EPAS1: variants seen among roughly 807,000 people sequenced by gnomAD.
EPAS1 encodes the protein endothelial PAS domain-containing protein 1.
In EPAS1, 23 loss-of-function variants were observed where a neutral mutation model predicts 87.9. That is an observed-to-expected ratio of 0.26 (90% CI 0.19 to 0.37). The LOEUF is 0.37. EPAS1 is among the 10% of genes least tolerant of loss of function. The pLI is 1.00. For synonymous variants in EPAS1, 508 were observed against 444.3 expected (o/e 1.14, Z -1.80); for missense variants, 1,138 against 1,120.7 (o/e 1.02, Z -0.22).
Position 46,318,888 on chromosome 2 carries a change from GC to G in EPAS1, c.26+20952del, listed in dbSNP as rs555860856. ...TAGCAATATATCAGAACTATCTCTT[GC>G]TACTAAGTTACAAAGATTTAATACA... On this transcript the variant is annotated intron_variant, in intron 1 of 15. Transcript: ENST00000263734. Among the ~76,000 whole-genome samples the G allele has an allele frequency of 1.7e-3, 260 of 152,264 alleles. 1 individual carries two copies. Among genetic ancestry groups the G allele is most frequent in the Non-Finnish European group, 2.8e-3 (193 of 68,012 alleles).
chr2:46,347,205 T>C lies in EPAS1; in HGVS notation c.217+142T>C, dbSNP rs1394413345. On this transcript the variant is annotated intron_variant, in intron 2 of 15. Transcript: ENST00000263734. This position sits in a 1 kb window ranked among gnomAD's most constrained non-coding sequence, Gnocchi z 4.2. ...CCCACAGAAACACCATCATGAGTGATTTATTCCTTCATGTTAAACATCTCT... is the reference window on the plus strand; with the variant it reads ...CCCACAGAAACACCATCATGAGTGACTTATTCCTTCATGTTAAACATCTCT... 1.1e-6 allele frequency: 1 copy of C among 874,140 alleles called. No individual in the cohort carries two copies. Among genetic ancestry groups the C allele is most frequent in the Non-Finnish European group, 1.9e-6 (1 of 534,366 alleles). 54.1% of individuals were successfully genotyped at this position (874,140 alleles called of 1,614,324 possible). A position where few individuals can be genotyped will look rare whatever the true frequency, so the allele number is the denominator to read the frequency against.
At chr2:46,359,257 C>CAAAAAAAAAAAAAAAAAAAAAA (rs57351888) in intron 4 of EPAS1, among the ~76,000 whole-genome samples, 14 of 25,086 alleles carry the variant, frequency 5.6e-4, no homozygotes, top group East Asian at 4.0e-3. Flanking sequence ...GATTCTGTCT[C>CAAAAAAAAAAAAAAAAAAAAAA]AAAAAAAAAA....
chr2:46,386,077 G>GC lies in EPAS1; in HGVS notation c.*1421dup, dbSNP rs1249024554. The GC allele has an allele frequency of 2.0e-5, 3 of 152,744 alleles. No homozygotes were observed. Among genetic ancestry groups the GC allele is most frequent in the Non-Finnish European group, 4.4e-5 (3 of 68,108 alleles). 9.5% of individuals were successfully genotyped at this position (152,744 alleles called of 1,614,324 possible). Reference sequence around the variant, plus strand: ...TGGCCCCGCAAGGCCTCCAGGGATGGCCCCTAGCCACAGGCCCTGGCTGAG... The same window carrying GC: ...TGGCCCCGCAAGGCCTCCAGGGATGGCCCCCTAGCCACAGGCCCTGGCTGAG... On this transcript the variant is annotated 3_prime_UTR_variant, in exon 16 of 16. Coordinates refer to ENST00000263734, the MANE Select transcript of EPAS1 (RefSeq NM_001430.5).
chr2:46,380,211 T>G lies in EPAS1; in HGVS notation c.1555-16T>G, dbSNP rs774098669. 45 of 1,607,014 alleles carry G rather than the reference T, an allele frequency of 2.8e-5. 2 individuals carry two copies. In the South Asian group the frequency reaches 4.9e-4, roughly 18 times the overall value. ...ACCAACCCCCTTGCCTCTTTGCCGG[T>G]GCTGTCTCCCCTCAGACGGATTTCA... On this transcript the variant is annotated splice_polypyrimidine_tract_variant and intron_variant, in intron 11 of 15. Coordinates refer to ENST00000263734, the MANE Select transcript of EPAS1 (RefSeq NM_001430.5). This position sits in a 1 kb window ranked among gnomAD's most constrained non-coding sequence, Gnocchi z 4.4.
intron 9 of EPAS1, 150 bp downstream of exon 9, chr2:46,376,903 C>A (rs1441231741): frequency 2.6e-6 from 2 of 780,138 alleles, no homozygotes; most frequent in East Asian, 2.7e-5. Flanking sequence ...AGAGGCCAGG[C>A]CCTGCTGAGC....
Position 46,382,061 on chromosome 2 carries a change from C to T in EPAS1, c.2259C>T (p.Asp753=). The part of the protein sequence containing the change: ...LRGGSCPLMP[D]KPLSANVPND... The stretch of plus-strand genomic sequence containing the variant: ...GTGGGAGCTGCCCTTTGATGCCGGA[C>T]AAGCCACTGAGCGCAAATGTACCCA... The change falls in exon 14 of 16, where the codon GAC becomes GAT. Residue 753 remains aspartate (D), a synonymous_variant. Transcript: ENST00000263734. The T allele has an allele frequency of 6.3e-7, 1 of 1,592,584 alleles. No individual in the cohort carries two copies. Among genetic ancestry groups the T allele is most frequent in the East Asian group, 2.3e-5 (1 of 43,100 alleles).
intron 11 of EPAS1, 34 bp downstream of exon 11, chr2:46,378,801 G>A (rs1684817256): frequency 1.3e-6 from 2 of 1,563,558 alleles, no homozygotes. Context: ...TAGGGTGTGT[G>A]CCTGCTGTCT....
chr2:46,382,538 C>T lies in EPAS1; in HGVS notation c.2401C>T (p.Pro801Ser). The T allele has an allele frequency of 6.2e-7, 1 of 1,614,174 alleles. No individual in the cohort carries two copies. The change falls in exon 15 of 16, where the codon CCA becomes TCA. Residue 801 changes from proline to serine, a missense_variant. Physicochemically the swap from Pro to Ser is moderately conservative, Grantham distance 74. Around this residue, in one of 4 missense-constraint regions of EPAS1, gnomAD observed 502 missense variants for 427.1 expected, o/e 1.18. Coordinates refer to ENST00000263734, the MANE Select transcript of EPAS1 (RefSeq NM_001430.5). ...PGENSKSRFP[P>S]QCYATQYQDY... ...GGAGAACAGCAAGAGCAGGTTCCCC[C>T]CACAGTGCTACGCCACCCAGTACCA...
chr2:46,361,190 G>T (rs985564268), intron 6 of EPAS1, 100 bp downstream of exon 6: 2 of 1,327,886 alleles, frequency 1.5e-6, no homozygotes, highest in East Asian at 5.0e-5. Context: ...GAACATAGAC[G>T]TGGTATTGCC....
rs1439961348 is a variant in EPAS1, at chr2:46,360,222, T to C, written c.455-416T>C. Among the ~76,000 whole-genome samples, 1 of 152,204 alleles carries C rather than the reference T, an allele frequency of 6.6e-6. No homozygotes were observed. Among genetic ancestry groups the C allele is most frequent in the East Asian group, 1.9e-4 (1 of 5,200 alleles). Reference sequence around the variant, plus strand: ...GACATTTCTAACCTGTGAGGAAGGCTTACACCCTTGGAGTAACTGTGGCCT... The same window carrying C: ...GACATTTCTAACCTGTGAGGAAGGCCTACACCCTTGGAGTAACTGTGGCCT... On this transcript the variant is annotated intron_variant, in intron 4 of 15. Transcript: ENST00000263734. The surrounding 1 kb of genome is among the most constrained non-coding windows in gnomAD (Gnocchi z 4.5).
Position 46,310,716 on chromosome 2 carries a change from G to C in EPAS1, c.26+12779G>C, listed in dbSNP as rs1385331219. Among the ~76,000 whole-genome samples the C allele has an allele frequency of 2.6e-5, 4 of 152,242 alleles. No individual in the cohort carries two copies. The South Asian group carries it at 8.3e-4, about 31-fold the overall frequency. On this transcript the variant is annotated intron_variant, in intron 1 of 15. Coordinates refer to ENST00000263734, the MANE Select transcript of EPAS1 (RefSeq NM_001430.5). ...CACTGTGGGCCAGGCCTTGGCCAGAGATCCCAAGTCACTGGAGAAGATTCC... is the reference window on the plus strand; with the variant it reads ...CACTGTGGGCCAGGCCTTGGCCAGACATCCCAAGTCACTGGAGAAGATTCC...
intron 1 of EPAS1, among the ~76,000 whole-genome samples, chr2:46,321,599 G>C (rs1683455162): frequency 6.6e-6 from 1 of 152,106 alleles, no homozygotes; most frequent in Non-Finnish European, 1.5e-5. Flanking sequence ...TGGGTGTGAA[G>C]TGGTATCTCA....
At chr2:46,339,865 C>G (rs191120038) in intron 1 of EPAS1, among the ~76,000 whole-genome samples, 44 of 152,206 alleles carry the variant, frequency 2.9e-4, no homozygotes, top group Non-Finnish European at 4.7e-4. Context: ...GAGGGTTCCC[C>G]TGGGCCTCCT....
intron 1 of EPAS1, among the ~76,000 whole-genome samples, chr2:46,323,965 A>C (rs916076292): frequency 1.3e-5 from 2 of 152,242 alleles, no homozygotes; most frequent in African/African-American, 2.4e-5. Context: ...CTCACCACCA[A>C]CAACAAATAT....
At chr2:46,345,751 G>A (rs1684010845) in intron 1 of EPAS1, among the ~76,000 whole-genome samples, 1 of 152,074 alleles carries the variant, frequency 6.6e-6, no homozygotes, top group Non-Finnish European at 1.5e-5. Context: ...GAAGTATTAT[G>A]TATAATACAT....
intron 3 of EPAS1, 91 bp downstream of exon 3, chr2:46,356,393 C>A: frequency 1.3e-6 from 2 of 1,532,388 alleles, no homozygotes; most frequent in Non-Finnish European, 1.8e-6. Flanking sequence ...TCCCACTTGA[C>A]CTCTCCCTGC....
At chr2:46,308,971 G>A (rs1017392898) in intron 1 of EPAS1, among the ~76,000 whole-genome samples, 10 of 152,200 alleles carry the variant, frequency 6.6e-5, no homozygotes, top group African/African-American at 2.2e-4. Context: ...TGGGGGTGGC[G>A]TATGTCCCTG....
chr2:46,319,719 G>C (rs894123758), intron 1 of EPAS1, among the ~76,000 whole-genome samples: 3 of 152,158 alleles, frequency 2.0e-5, no homozygotes, highest in African/African-American at 2.4e-5. Flanking sequence ...TGCGGTATTT[G>C]CTTATTTTCT....
intron 1 of EPAS1, among the ~76,000 whole-genome samples, chr2:46,322,627 G>A (rs1683474735): frequency 6.6e-6 from 1 of 152,196 alleles, no homozygotes; most frequent in Non-Finnish European, 1.5e-5. Flanking sequence ...CATCAAGCCT[G>A]TGAAATAGAT....
Sources: allele counts gnomAD v4.1 joint callset (sites outside exome capture counted in the v4.1 genomes callset), GRCh38; gene constraint gnomAD v4.1.1; regional missense constraint gnomAD v4.1.1; non-coding constraint Gnocchi (gnomAD v3.1); transcripts MANE v1.5; gene names NCBI Gene and HGNC (gene_info 2026-07-23, HGNC 2026-07-21).